Variants in DOK6 observed in about 807,000 individuals in gnomAD.
DOK6 encodes the protein downstream of tyrosine kinase 6.
Under a neutral mutation model 44.0 loss-of-function variants are expected in DOK6, and 22 were observed. That is an observed-to-expected ratio of 0.50 (90% CI 0.36 to 0.71). The LOEUF is 0.71. Among genes scored for constraint, DOK6 ranks in the 30% least tolerant of loss-of-function variants. DOK6 has a pLI of 0.00. For synonymous variants in DOK6, 166 were observed against 145.5 expected, an observed-to-expected ratio of 1.14 and a Z score of -1.01; for missense variants, 340 against 416.4, an observed-to-expected ratio of 0.82 and a Z score of 1.60.
At chr18:69,595,569 T>C (rs1179933794) in intron 2 of DOK6, among the ~76,000 whole-genome samples, 1 of 152,148 alleles carries the variant, frequency 6.6e-6, no homozygotes, top group Non-Finnish European at 1.5e-5. Flanking sequence ...ATCAATAATT[T>C]CATCGTTCTT....
intron 1 of DOK6, among the ~76,000 whole-genome samples, chr18:69,500,161 A>G (rs1281218760): frequency 6.6e-6 from 1 of 152,110 alleles, no homozygotes; most frequent in African/African-American, 2.4e-5. Flanking sequence ...ATGGTTTCCC[A>G]TAATTGCTGT....
At chr18:69,468,472 T>C (rs1178912024) in intron 1 of DOK6, among the ~76,000 whole-genome samples, 3 of 152,180 alleles carry the variant, frequency 2.0e-5, no homozygotes, top group Non-Finnish European at 4.4e-5. Flanking sequence ...ACACTATAAA[T>C]TCAACTGCCT....
At chr18:69,677,031 A>T (rs1180297613) in intron 3 of DOK6, among the ~76,000 whole-genome samples, 1 of 152,164 alleles carries the variant, frequency 6.6e-6, no homozygotes, top group Non-Finnish European at 1.5e-5. Context: ...AAGAGAAGAG[A>T]TACTTTTAAA....
At chr18:69,500,187 C>G (rs900601219) in intron 1 of DOK6, among the ~76,000 whole-genome samples, 1 of 152,106 alleles carries the variant, frequency 6.6e-6, no homozygotes, top group East Asian at 1.9e-4. Flanking sequence ...TACTATTTTC[C>G]ACCAACATAC....
At chr18:69,595,751 T>C (rs1353926042) in intron 2 of DOK6, among the ~76,000 whole-genome samples, 1 of 152,216 alleles carries the variant, frequency 6.6e-6, no homozygotes, top group African/African-American at 2.4e-5. Context: ...TGTGAATTTA[T>C]GAGTTATGAG....
chr18:69,655,346 A>G (rs1405102936), intron 3 of DOK6, among the ~76,000 whole-genome samples: 1 of 152,192 alleles, frequency 6.6e-6, no homozygotes, highest in African/African-American at 2.4e-5. Context: ...AAAGAAACAA[A>G]TAGAACTTTA....
chr18:69,653,335 G>A (rs1224391844), intron 3 of DOK6, among the ~76,000 whole-genome samples: 1 of 148,674 alleles, frequency 6.7e-6, no homozygotes, highest in Non-Finnish European at 1.5e-5. Flanking sequence ...AGAAGATTTT[G>A]GCTAACTTCC....
At chr18:69,529,841 A>T (rs1216169421) in intron 1 of DOK6, among the ~76,000 whole-genome samples, 3 of 152,178 alleles carry the variant, frequency 2.0e-5, no homozygotes, top group African/African-American at 7.2e-5. Flanking sequence ...TTCATATTTC[A>T]CAATTCTTCA....
At chr18:69,701,015 G>A (rs1322751889) in intron 5 of DOK6, among the ~76,000 whole-genome samples, 1 of 152,192 alleles carries the variant, frequency 6.6e-6, no homozygotes, top group Non-Finnish European at 1.5e-5. Flanking sequence ...TAATACATAT[G>A]AAAATAATAC....
chr18:69,759,947 G>T (rs1394702006), intron 7 of DOK6, among the ~76,000 whole-genome samples: 1 of 152,092 alleles, frequency 6.6e-6, no homozygotes, highest in African/African-American at 2.4e-5. Flanking sequence ...ACTATACTGT[G>T]GGTTTACTTT....
chr18:69,769,274 G>A (rs1013222090), intron 7 of DOK6, among the ~76,000 whole-genome samples: 7 of 151,890 alleles, frequency 4.6e-5, no homozygotes, highest in Non-Finnish European at 8.8e-5. Flanking sequence ...TAAGACAAAA[G>A]CTGCACTTAG....
At chr18:69,436,690 G>A (rs772628825) in intron 1 of DOK6, among the ~76,000 whole-genome samples, 4 of 152,174 alleles carry the variant, frequency 2.6e-5, no homozygotes, top group Non-Finnish European at 5.9e-5. Flanking sequence ...TGGAACTGCT[G>A]TGTCAAATGG....
At chr18:69,594,589 C>CAA (rs10629064) in intron 2 of DOK6, among the ~76,000 whole-genome samples, 104 of 129,164 alleles carry the variant, frequency 8.1e-4, no homozygotes, top group African/African-American at 2.4e-3. Flanking sequence ...AGCAAACAGG[C>CAA]AAAAAAAAAA....
At chr18:69,827,766 C>T (rs550476408) in intron 7 of DOK6, among the ~76,000 whole-genome samples, 11 of 152,050 alleles carry the variant, frequency 7.2e-5, no homozygotes, top group East Asian at 1.9e-4. Flanking sequence ...TGTAAATGTA[C>T]GTAACATTCA....
intron 3 of DOK6, among the ~76,000 whole-genome samples, chr18:69,640,344 T>A (rs1203702682): frequency 1.3e-5 from 2 of 152,220 alleles, no homozygotes; most frequent in Non-Finnish European, 2.9e-5. Context: ...TATGTGGTAT[T>A]CCTCTCATTC....
At chr18:69,718,214 T>A (rs1260997997) in intron 5 of DOK6, among the ~76,000 whole-genome samples, 1 of 152,154 alleles carries the variant, frequency 6.6e-6, no homozygotes, top group African/African-American at 2.4e-5. Flanking sequence ...TAATTTTGAA[T>A]GGGTAGAAGG....
At chr18:69,635,287 T>C (rs1984779534) in intron 3 of DOK6, among the ~76,000 whole-genome samples, 1 of 152,166 alleles carries the variant, frequency 6.6e-6, no homozygotes, top group African/African-American at 2.4e-5. Context: ...TCTTTTTTTC[T>C]CCTCATATGG....
At chr18:69,448,054 T>A (rs981434766) in intron 1 of DOK6, among the ~76,000 whole-genome samples, 1 of 152,234 alleles carries the variant, frequency 6.6e-6, no homozygotes, top group Admixed American at 6.5e-5. Context: ...CATTGCTCAT[T>A]TTGGCACTAG....
At chr18:69,627,550 G>C (rs1229880053) in intron 3 of DOK6, among the ~76,000 whole-genome samples, 1 of 152,136 alleles carries the variant, frequency 6.6e-6, no homozygotes, top group African/African-American at 2.4e-5. Context: ...CCGGGTTCAC[G>C]CCATTCTCCT....
Sources: gnomAD v4.1 joint callset for allele counts (sites outside exome capture counted in the v4.1 genomes callset) on GRCh38, gnomAD v4.1.1 for gene constraint, MANE v1.5 for transcripts, NCBI Gene and HGNC (gene_info 2026-07-23, HGNC 2026-07-21) for gene names.